COX7B2: variants seen among roughly 807,000 people sequenced by gnomAD.
COX7B2 encodes the protein cytochrome c oxidase subunit 7B2, also known as cytochrome c oxidase subunit 7B2, mitochondrial.
For synonymous variants in COX7B2, 37 were observed against 32.1 expected, an observed-to-expected ratio of 1.15 and a Z score of -0.51; for missense variants, 109 against 95.9, an observed-to-expected ratio of 1.14 and a Z score of -0.57.
At chr4:46,871,011 C>T (rs1469278772) in intron 1 of COX7B2, among the ~76,000 whole-genome samples, 1 of 151,350 alleles carries the variant, frequency 6.6e-6, no homozygotes, top group Non-Finnish European at 1.5e-5. Context: ...CCTATGGAAC[C>T]AAAAAAAGAG....
chr4:46,892,060 A>C (rs1414570476), intron 1 of COX7B2, among the ~76,000 whole-genome samples: 1 of 152,160 alleles, frequency 6.6e-6, no homozygotes, highest in Non-Finnish European at 1.5e-5. Flanking sequence ...CACAGGTTCC[A>C]CAGAATGAAT....
In COX7B2 at chr4:46,894,721, A is replaced by G. The variant is rs560123378; in HGVS notation, c.-105+14439T>C. Among the ~76,000 whole-genome samples the G allele has an allele frequency of 1.8e-4, 28 of 152,322 alleles. 1 individual carries two copies. Among genetic ancestry groups the G allele is most frequent in the Admixed American group, 1.2e-3 (19 of 15,300 alleles). ...CAGACAACCTACAGAATGGGAGAAA[A>G]TATTTGCAAACTACGCATCTGACAA... On this transcript the variant is annotated intron_variant, in intron 1 of 2. Coordinates refer to ENST00000355591, the MANE Select transcript of COX7B2 (RefSeq NM_130902.3).
At chr4:46,891,106 G>A (rs1719407327) in intron 1 of COX7B2, among the ~76,000 whole-genome samples, 1 of 152,170 alleles carries the variant, frequency 6.6e-6, no homozygotes, top group Non-Finnish European at 1.5e-5. Context: ...GTGAACCAAA[G>A]AGTGACAACA....
chr4:46,852,842 T>G (rs1305788280), intron 1 of COX7B2, among the ~76,000 whole-genome samples: 4 of 149,270 alleles, frequency 2.7e-5, no homozygotes, highest in Admixed American at 2.6e-4. Context: ...TAGTGTCACA[T>G]TTTTTGCTTT....
chr4:46,822,303 C>T (rs774540062), intron 2 of COX7B2, among the ~76,000 whole-genome samples: 8 of 151,646 alleles, frequency 5.3e-5, no homozygotes, highest in African/African-American at 1.2e-4. Context: ...ACTAACATGG[C>T]GTAAGCCTCA....
intron 2 of COX7B2, among the ~76,000 whole-genome samples, chr4:46,813,666 T>TGTA (rs1430731095): frequency 6.6e-6 from 1 of 152,134 alleles, no homozygotes. Flanking sequence ...GGCACATGTA[T>TGTA]ACCTATGTAA....
chr4:46,895,775 C>T (rs1719725415), intron 1 of COX7B2, among the ~76,000 whole-genome samples: 1 of 152,078 alleles, frequency 6.6e-6, no homozygotes, highest in Admixed American at 6.6e-5. Flanking sequence ...AAGGCCCCCC[C>T]CAAATTGTAT....
intron 2 of COX7B2, among the ~76,000 whole-genome samples, chr4:46,801,913 T>C (rs1029961416): frequency 1.3e-5 from 2 of 152,154 alleles, no homozygotes; most frequent in Non-Finnish European, 2.9e-5. Context: ...AAGTTCTGAA[T>C]GTATCCCTTA....
chr4:46,823,511 A>T (rs60754545), intron 2 of COX7B2, among the ~76,000 whole-genome samples: 3 of 151,498 alleles, frequency 2.0e-5, no homozygotes, highest in East Asian at 3.9e-4. Flanking sequence ...ACACTTCTAA[A>T]TAACTTATCA....
At chr4:46,845,672 G>A (rs929150050) in intron 1 of COX7B2, among the ~76,000 whole-genome samples, 3 of 151,816 alleles carry the variant, frequency 2.0e-5, no homozygotes, top group Non-Finnish European at 4.4e-5. Flanking sequence ...AAGAGCATAG[G>A]ATAAAAGAAA....
At chr4:46,868,102 T>C (rs1221424130) in intron 1 of COX7B2, among the ~76,000 whole-genome samples, 1 of 152,178 alleles carries the variant, frequency 6.6e-6, no homozygotes, top group African/African-American at 2.4e-5. Context: ...TGGTTGAGTC[T>C]TGGGAGGGTG....
chr4:46,754,413 G>A (rs1715616711), intron 2 of COX7B2, among the ~76,000 whole-genome samples: 1 of 150,590 alleles, frequency 6.6e-6, no homozygotes, highest in Non-Finnish European at 1.5e-5. Flanking sequence ...GTCCTTTGTA[G>A]GGACTTGGAT....
intron 2 of COX7B2, among the ~76,000 whole-genome samples, chr4:46,783,429 C>G (rs191276800): frequency 6.6e-6 from 1 of 152,194 alleles, no homozygotes; most frequent in African/African-American, 2.4e-5. Context: ...ACTAGACAGT[C>G]ACATTACTAG....
chr4:46,749,319 C>A (rs1715206874), intron 2 of COX7B2, among the ~76,000 whole-genome samples: 1 of 152,024 alleles, frequency 6.6e-6, no homozygotes, highest in African/African-American at 2.4e-5. Context: ...GCTAACTTTT[C>A]TCTATCCAAA....
At chr4:46,809,149 GTGTC>G (rs1719157762) in intron 2 of COX7B2, among the ~76,000 whole-genome samples, 1 of 151,770 alleles carries the variant, frequency 6.6e-6, no homozygotes, top group Non-Finnish European at 1.5e-5. Flanking sequence ...TATTTGTAAA[GTGTC>G]TGCAGTAATT....
chr4:46,773,121 T>C (rs73245859), intron 2 of COX7B2, among the ~76,000 whole-genome samples: 6,630 of 152,294 alleles, frequency 0.044, 205 homozygotes, highest in Middle Eastern at 0.082. Flanking sequence ...TTTTAACTGA[T>C]TTTATGTTCT....
chr4:46,810,865 GTCAAAGAAGTATT>G (rs1490070953), intron 2 of COX7B2, among the ~76,000 whole-genome samples: 1 of 152,118 alleles, frequency 6.6e-6, no homozygotes, highest in African/African-American at 2.4e-5. Flanking sequence ...ATGCTTGTCT[GTCAAAGAAGTATT>G]TCTCCTTTAT....
chr4:46,744,792 T>C (rs114426778), intron 2 of COX7B2, among the ~76,000 whole-genome samples: 1 of 146,802 alleles, frequency 6.8e-6, no homozygotes, highest in African/African-American at 2.5e-5. Context: ...ACCTAGGCTG[T>C]AGTGCAGTGG....
intron 2 of COX7B2, among the ~76,000 whole-genome samples, chr4:46,811,104 T>C (rs1719263348): frequency 6.6e-6 from 1 of 152,154 alleles, no homozygotes. Flanking sequence ...CTTTCAACAG[T>C]TTGGTTTTAA....
Sources: gnomAD v4.1 joint callset for allele counts (sites outside exome capture counted in the v4.1 genomes callset) on GRCh38, gnomAD v4.1.1 for gene constraint, MANE v1.5 for transcripts, NCBI Gene and HGNC (gene_info 2026-07-23, HGNC 2026-07-21) for gene names.